Variants in STK35 observed in about 807,000 individuals in gnomAD.
STK35 encodes serine/threonine kinase 35.
STK35 carries 17 observed loss-of-function variants against 37.3 expected under a neutral mutation model. The ratio of observed to expected loss-of-function variants is 0.46; its 90% CI spans 0.31 to 0.68. The LOEUF (loss-of-function observed/expected upper bound fraction) is 0.68. Among genes scored for constraint, STK35 ranks in the 30% least tolerant of loss-of-function variants. The probability of loss-of-function intolerance (pLI) is 0.05; values close to 1 mark genes in which losing one functional copy is unlikely to be tolerated. For missense variants in STK35, 595 were observed against 746.7 expected, an observed-to-expected ratio of 0.80 and a Z score of 2.37; for synonymous variants, 385 against 319.1, an observed-to-expected ratio of 1.21 and a Z score of -2.20.
chr20:2,116,497 C>A (rs13043956), intron 2 of STK35, among the ~76,000 whole-genome samples, 169 bp from the exon 3 acceptor site: 10,461 of 152,238 alleles, frequency 0.069, 447 homozygotes, highest in South Asian at 0.12. Flanking sequence ...ACACCAGTCC[C>A]TGGTGCCTGT....
chr20:2,126,319 T>C (rs1985905676), intron 3 of STK35, among the ~76,000 whole-genome samples: 1 of 151,998 alleles, frequency 6.6e-6, no homozygotes, highest in Admixed American at 6.6e-5. Flanking sequence ...GGACACTTGG[T>C]GGTAATGGGT....
At chr20:2,131,333 G>T (rs140522928) in intron 3 of STK35, among the ~76,000 whole-genome samples, 2 of 152,254 alleles carry the variant, frequency 1.3e-5, no homozygotes, top group East Asian at 3.9e-4. Context: ...AAAAAAAATG[G>T]CTGGGCTTGC....
intron 3 of STK35, among the ~76,000 whole-genome samples, chr20:2,120,736 T>C (rs1985802763): frequency 2.0e-5 from 3 of 152,194 alleles, no homozygotes; most frequent in Admixed American, 2.0e-4. Flanking sequence ...AGATAATACA[T>C]CGGTGAACAA....
intron 2 of STK35, 113 bp from the exon 3 acceptor site, chr20:2,116,553 T>C: frequency 2.5e-6 from 3 of 1,181,368 alleles, no homozygotes; most frequent in Non-Finnish European, 2.4e-6. Context: ...CAGGTCCCCT[T>C]GGAGCAGTTG....
intron 3 of STK35, among the ~76,000 whole-genome samples, chr20:2,142,249 C>T (rs756663496): frequency 3.3e-5 from 5 of 152,144 alleles, no homozygotes; most frequent in Non-Finnish European, 5.9e-5. Flanking sequence ...GTCATTCCAC[C>T]CAGACCTCAA....
chr20:2,133,720 C>T (rs1271022222), intron 3 of STK35, among the ~76,000 whole-genome samples: 1 of 152,236 alleles, frequency 6.6e-6, no homozygotes, highest in Non-Finnish European at 1.5e-5. Flanking sequence ...TACTGTTTCT[C>T]TGTGTGCATT....
At chr20:2,119,028 G>T (rs1985770181) in intron 3 of STK35, among the ~76,000 whole-genome samples, 1 of 152,168 alleles carries the variant, frequency 6.6e-6, no homozygotes, top group Non-Finnish European at 1.5e-5. Context: ...TATGTGCTAG[G>T]CTCTGGGGTG....
intron 2 of STK35, among the ~76,000 whole-genome samples, chr20:2,110,714 C>G (rs1283428827): frequency 6.6e-6 from 1 of 152,178 alleles, no homozygotes; most frequent in Non-Finnish European, 1.5e-5. Flanking sequence ...AAGTCAAAGT[C>G]CTAATTAGTC....
At chr20:2,135,842 A>T (rs951182798) in intron 3 of STK35, among the ~76,000 whole-genome samples, 1 of 152,182 alleles carries the variant, frequency 6.6e-6, no homozygotes, top group African/African-American at 2.4e-5. Flanking sequence ...AGCAAGACTA[A>T]TAAGACTAAT....
In STK35 at chr20:2,117,090, C is replaced by G. The variant is rs148480663; in HGVS notation, c.1317C>G (p.Ala439=). The G allele has an allele frequency of 1.9e-6, 3 of 1,613,828 alleles. No homozygotes were observed. The African/African-American group carries it at 4.0e-5, about 22-fold the overall frequency. Residue 439 remains alanine (A), a synonymous_variant, in exon 3 of 4, where the codon GCC becomes GCG. Transcript: ENST00000381482. The surrounding 1 kb of genome is among the most constrained non-coding windows in gnomAD (Gnocchi z 4.4). The stretch of plus-strand genomic sequence containing the variant: ...ACACAGCCAAGGCGGACATCTTTGC[C>G]CTGGGCATTATCATCTGGGCAATGA... ...GHYTAKADIF[A]LGIIIWAMIE...
intron 3 of STK35, among the ~76,000 whole-genome samples, chr20:2,123,067 C>T (rs1416277829): frequency 6.6e-6 from 1 of 152,174 alleles, no homozygotes; most frequent in African/African-American, 2.4e-5. Context: ...CCTCCGCCCA[C>T]GTGTTACCAG....
intron 2 of STK35, among the ~76,000 whole-genome samples, chr20:2,115,638 G>A (rs554433963): frequency 6.6e-6 from 1 of 152,306 alleles, no homozygotes; most frequent in South Asian, 2.1e-4. Flanking sequence ...AGATTTGCTT[G>A]GAGAGGTTGG....
Position 2,105,804 on chromosome 20 carries a change from G to A in STK35, c.892+2439G>A, listed in dbSNP as rs1250298484. Among the ~76,000 whole-genome samples the A allele has an allele frequency of 2.0e-5, 3 of 152,224 alleles. No homozygotes were observed. In the East Asian group the frequency reaches 5.8e-4, roughly 29 times the overall value. On this transcript the variant is annotated intron_variant, in intron 2 of 3. Coordinates refer to ENST00000381482, the MANE Select transcript of STK35 (RefSeq NM_080836.4). ...AGTTTCCCAAACTTGTTTCATCATA[G>A]AACACACCTTGTTTTCTGTGTTGTC... is the stretch of plus-strand genomic sequence containing the variant.
At chr20:2,137,452 A>G (rs1187424101) in intron 3 of STK35, among the ~76,000 whole-genome samples, 6 of 152,212 alleles carry the variant, frequency 3.9e-5, no homozygotes. Flanking sequence ...GTCAGGGCTC[A>G]GATGTCGTAA....
rs61338867 is a variant in STK35 at position 2,147,670 on chromosome 20, G to A, written c.*3924G>A. The A allele has an allele frequency of 6.6e-6, 1 of 152,458 alleles. No individual in the cohort carries two copies. Among genetic ancestry groups the A allele is most frequent in the Non-Finnish European group, 1.5e-5 (1 of 68,296 alleles). The allele number at this position is 152,458 out of a possible 1,614,324, so 9.4% of individuals were successfully genotyped here. ...TACGCCCCTCTTCCCCCGACATCTG[G>A]GGGCGCTGGTGGCACTTACTCTAGG... On this transcript the variant is annotated 3_prime_UTR_variant, in exon 4 of 4. Transcript: ENST00000381482.
intron 3 of STK35, among the ~76,000 whole-genome samples, chr20:2,136,005 C>T (rs1276252301): frequency 1.3e-5 from 2 of 152,124 alleles, no homozygotes; most frequent in East Asian, 1.9e-4. Flanking sequence ...GAAAAAAAAG[C>T]CATCTTGGGA....
intron 2 of STK35, among the ~76,000 whole-genome samples, chr20:2,113,154 T>G (rs1378450525): frequency 6.6e-6 from 1 of 152,142 alleles, no homozygotes; most frequent in African/African-American, 2.4e-5. Context: ...TAAAGTTTGA[T>G]TACTTTCCCT....
intron 1 of STK35, 121 bp downstream of exon 1, chr20:2,102,296 C>G: frequency 7.8e-7 from 1 of 1,286,618 alleles, no homozygotes; most frequent in Non-Finnish European, 1.0e-6. Context: ...CCGAACTTTT[C>G]AGCCAATCCC....
chr20:2,106,036 T>C (rs1985509025), intron 2 of STK35, among the ~76,000 whole-genome samples: 1 of 152,234 alleles, frequency 6.6e-6, no homozygotes. Context: ...GTGTTGTTTC[T>C]GCTTATGAAA....
Sources: gnomAD v4.1 joint callset for allele counts (sites outside exome capture counted in the v4.1 genomes callset) on GRCh38, gnomAD v4.1.1 for gene constraint, Gnocchi (gnomAD v3.1) non-coding constraint, MANE v1.5 for transcripts, NCBI Gene and HGNC (gene_info 2026-07-23, HGNC 2026-07-21) for gene names.